PALLD: variants seen among roughly 807,000 people sequenced by gnomAD.
PALLD encodes the protein palladin.
In PALLD, 61 loss-of-function variants were observed where a neutral mutation model predicts 123.5. The observed-to-expected ratio is 0.49, with a 90% CI of 0.40 to 0.61. PALLD has a LOEUF of 0.61. Ranked by LOEUF, PALLD falls within the 20% of genes least tolerant of loss-of-function variation. PALLD has a pLI of 0.00. For synonymous variants in PALLD, 465 were observed against 496.4 expected, an observed-to-expected ratio of 0.94 and a Z score of 0.84; for missense variants, 1,273 against 1,377.0, an observed-to-expected ratio of 0.92 and a Z score of 1.20.
At chr4:168,670,765 C>CAAAAAAAA (rs367710328) in intron 3 of PALLD, among the ~76,000 whole-genome samples, 6 of 109,504 alleles carry the variant, frequency 5.5e-5, no homozygotes, top group Non-Finnish European at 9.2e-5. Flanking sequence ...ACAAAAAAAA[C>CAAAAAAAA]AAAAAAAAAC....
intron 2 of PALLD, among the ~76,000 whole-genome samples, chr4:168,589,609 G>GA (rs1445520613): frequency 6.8e-6 from 1 of 146,490 alleles, no homozygotes; most frequent in African/African-American, 2.5e-5. Context: ...CAAGAAGGGG[G>GA]AGAACAAGTT....
intron 10 of PALLD, among the ~76,000 whole-genome samples, chr4:168,764,902 G>C (rs745912896): frequency 6.6e-6 from 1 of 152,266 alleles, no homozygotes; most frequent in Non-Finnish European, 1.5e-5. Context: ...AGCATGCTGA[G>C]TGAGCTTCAC....
intron 10 of PALLD, among the ~76,000 whole-genome samples, chr4:168,839,436 A>G (rs114094188): frequency 2.6e-5 from 4 of 152,138 alleles, no homozygotes; most frequent in African/African-American, 7.2e-5. Context: ...GAAACGGGAA[A>G]GCTACTTGCG....
intron 17 of PALLD, among the ~76,000 whole-genome samples, chr4:168,918,143 A>C (rs1348291563): frequency 2.0e-5 from 3 of 151,404 alleles, no homozygotes; most frequent in African/African-American, 7.3e-5. Flanking sequence ...AGGTTGCATC[A>C]CTGCATTCCA....
intron 2 of PALLD, among the ~76,000 whole-genome samples, chr4:168,655,510 A>C (rs1255888978): frequency 6.6e-6 from 1 of 152,288 alleles, no homozygotes; most frequent in East Asian, 1.9e-4. Flanking sequence ...ATCACCACCA[A>C]ATCTGGCTGT....
intron 8 of PALLD, among the ~76,000 whole-genome samples, chr4:168,706,644 A>G (rs1171706073): frequency 1.3e-5 from 2 of 152,202 alleles, no homozygotes; most frequent in Non-Finnish European, 2.9e-5. Context: ...GAAATGGGGA[A>G]AAGGAAAGGC....
At chr4:168,788,001 C>T (rs72986894) in intron 10 of PALLD, among the ~76,000 whole-genome samples, 5,299 of 152,226 alleles carry the variant, frequency 0.035, 290 homozygotes, top group African/African-American at 0.12. Flanking sequence ...TGGTCATTGG[C>T]GTTAAGTTGT....
intron 6 of PALLD, among the ~76,000 whole-genome samples, chr4:168,690,289 A>G (rs914672719): frequency 6.6e-6 from 1 of 152,234 alleles, no homozygotes; most frequent in Non-Finnish European, 1.5e-5. Flanking sequence ...AAAGAAAGTT[A>G]ACATTGGTTA....
intron 2 of PALLD, among the ~76,000 whole-genome samples, chr4:168,588,276 G>T (rs1771045206): frequency 6.6e-6 from 1 of 152,146 alleles, no homozygotes. Context: ...ATTATTGTGA[G>T]AATTTTCAAA....
In PALLD at chr4:168,792,774, G is replaced by GT. The variant is rs895087458; in HGVS notation, c.1964+80861dup. 8.7e-3 allele frequency among the ~76,000 whole-genome samples: 1,269 copies of GT among 145,628 alleles called. 6 individuals carry two copies. The highest frequency in any genetic ancestry group is 0.025 in the Middle Eastern group (7 of 284). On this transcript the variant is annotated intron_variant, in intron 10 of 21. Transcript: ENST00000505667. The stretch of plus-strand genomic sequence containing the variant: ...TCTTATTCTTTTTTTTTCTTTTTTT[G>GT]TTTTTTTTTTGAGATGGAGTCTCAC...
chr4:168,825,131 A>T (rs1159064756), intron 10 of PALLD, among the ~76,000 whole-genome samples: 2 of 152,142 alleles, frequency 1.3e-5, no homozygotes, highest in Admixed American at 1.3e-4. Flanking sequence ...CATTTCTTTA[A>T]TTGCCAATGT....
At chr4:168,497,675 A>AACTC (rs1358397617) in intron 1 of PALLD, among the ~76,000 whole-genome samples, 16 of 152,370 alleles carry the variant, frequency 1.1e-4, no homozygotes, top group African/African-American at 2.6e-4. Flanking sequence ...TTCTAAAAGT[A>AACTC]ACTCACTGGA....
chr4:168,769,523 C>T (rs1734119434), intron 10 of PALLD, among the ~76,000 whole-genome samples: 4 of 152,144 alleles, frequency 2.6e-5, no homozygotes, highest in Non-Finnish European at 5.9e-5. Context: ...CGTGGGCTGG[C>T]GTTACCCTTT....
At chr4:168,549,343 G>A (rs1007384856) in intron 2 of PALLD, among the ~76,000 whole-genome samples, 3 of 151,766 alleles carry the variant, frequency 2.0e-5, no homozygotes, top group African/African-American at 4.8e-5. Context: ...TGTTCATCTC[G>A]GTGGGTGTTC....
intron 10 of PALLD, among the ~76,000 whole-genome samples, chr4:168,811,776 T>TCACACACACACACACA (rs58914714): frequency 4.9e-5 from 7 of 143,624 alleles, no homozygotes; most frequent in African/African-American, 1.6e-4. Context: ...TCTCTCTCTC[T>TCACACACACACACACA]CACACACACA....
intron 10 of PALLD, among the ~76,000 whole-genome samples, chr4:168,843,305 A>C (rs994919367): frequency 6.6e-6 from 1 of 152,226 alleles, no homozygotes; most frequent in Non-Finnish European, 1.5e-5. Context: ...GGCTTGCAAA[A>C]TCACAGGCTC....
intron 2 of PALLD, among the ~76,000 whole-genome samples, chr4:168,527,007 C>A (rs1764111643): frequency 6.6e-6 from 1 of 152,156 alleles, no homozygotes; most frequent in Non-Finnish European, 1.5e-5. Flanking sequence ...CAGATCAGAC[C>A]TCCCAGGGAA....
chr4:168,713,942 GTTTTTTTTT>G (rs34942776), intron 10 of PALLD, among the ~76,000 whole-genome samples: 1 of 54,700 alleles, frequency 1.8e-5, no homozygotes, highest in Non-Finnish European at 3.4e-5. Flanking sequence ...TTTTCCCATT[GTTTTTTTTT>G]TTTTTTTTTT....
chr4:168,853,757 C>T (rs117524387), intron 10 of PALLD, among the ~76,000 whole-genome samples: 2 of 152,028 alleles, frequency 1.3e-5, no homozygotes, highest in Admixed American at 1.3e-4. Flanking sequence ...CAAGAGCAAG[C>T]GAAAGTCACT....
Sources: gnomAD v4.1 joint callset for allele counts (sites outside exome capture counted in the v4.1 genomes callset) on GRCh38, gnomAD v4.1.1 for gene constraint, MANE v1.5 for transcripts, NCBI Gene and HGNC (gene_info 2026-07-23, HGNC 2026-07-21) for gene names.